The following CCDC25 variants were observed in gnomAD, a reference collection of about 807,000 sequenced individuals.
The protein encoded by CCDC25 is coiled-coil domain containing 25.
A neutral mutation model predicts 35.3 loss-of-function variants in CCDC25; 16 were observed. The ratio of observed to expected loss-of-function variants is 0.45; its 90% CI spans 0.31 to 0.69. CCDC25 has a LOEUF of 0.69. CCDC25 is among the 30% of genes least tolerant of loss of function. The pLI, the probability that CCDC25 is intolerant of heterozygous loss-of-function variation, is 0.06. For missense variants in CCDC25, 179 were observed against 250.7 expected, an observed-to-expected ratio of 0.71 and a Z score of 1.93; for synonymous variants, 79 against 80.3, an observed-to-expected ratio of 0.98 and a Z score of 0.09.
chr8:27,755,149 C>G (rs1380921062), intron 4 of CCDC25, among the ~76,000 whole-genome samples: 3 of 152,136 alleles, frequency 2.0e-5, no homozygotes, highest in Non-Finnish European at 2.9e-5. Flanking sequence ...TTCGAAACAC[C>G]ATTACCACTG....
Position 27,770,432 on chromosome 8 carries a change from T to C in CCDC25, c.28+2081A>G, listed in dbSNP as rs78895496. Among the ~76,000 whole-genome samples the C allele has an allele frequency of 5.6e-3, 787 of 140,242 alleles. 21 individuals are homozygous for C. The East Asian group carries it at 0.11, about 20-fold the overall frequency. The allele number at this position is 140,242 out of a possible 152,430, so 92.0% of individuals were successfully genotyped here. A position where few individuals can be genotyped will look rare whatever the true frequency, so the allele number is the denominator to read the frequency against. The stretch of plus-strand genomic sequence containing the variant: ...ACAAAGCAAGACTCCGTCTCAAAAA[T>C]AAATAAAATAAATCTCACCTTTAGA... On this transcript the variant is annotated intron_variant, in intron 1 of 8. Transcript: ENST00000356537.
At position 27,757,535 on chromosome 8, in the gene CCDC25, C is replaced by T. The variant is rs141730865; in HGVS notation, c.117-765G>A. Among the ~76,000 whole-genome samples the T allele has an allele frequency of 1.4e-3, 212 of 152,190 alleles. 3 individuals carry two copies. The East Asian group carries it at 0.028, about 20-fold the overall frequency. On this transcript the variant is annotated intron_variant, in intron 3 of 8. Coordinates refer to ENST00000356537, the MANE Select transcript of CCDC25 (RefSeq NM_018246.3). Reference sequence around the variant, plus strand: ...GAATGTCCCCCACCCCTTAAATTTACCTTTCATGATGGATCTATCATCTAT... The same window carrying T: ...GAATGTCCCCCACCCCTTAAATTTATCTTTCATGATGGATCTATCATCTAT...
intron 8 of CCDC25, 50 bp downstream of exon 8, chr8:27,740,422 C>T: frequency 6.4e-7 from 1 of 1,553,462 alleles, no homozygotes; most frequent in South Asian, 1.2e-5. Context: ...ATTAAAAACC[C>T]TTAGTGAATT....
rs141212043 is a variant in CCDC25, at chr8:27,737,884, TCACACACA to T, written c.598-1647_598-1640del. 1.5e-4 allele frequency among the ~76,000 whole-genome samples: 23 copies of T among 148,444 alleles called. No homozygotes were observed. The highest frequency in any genetic ancestry group is 3.7e-4 in the African/African-American group (15 of 40,188). On this transcript the variant is annotated intron_variant, in intron 8 of 8. Transcript: ENST00000356537. The surrounding 1 kb of genome is among the most constrained non-coding windows in gnomAD (Gnocchi z 4.6). ...AACTGTGGTGTGTGTATACACACAC[TCACACACA>T]CACACACACACACACACACACAAAG...
rs1435212220 is a variant in CCDC25, at chr8:27,733,719, A to G, written c.*2497T>C. ...TGGAAATTTGTTATTTACATGCTGTACCTCAAATCAAAGAAAAAGCACGCG... is the reference window on the plus strand; with the variant it reads ...TGGAAATTTGTTATTTACATGCTGTGCCTCAAATCAAAGAAAAAGCACGCG... On this transcript the variant is annotated 3_prime_UTR_variant, in exon 9 of 9. Coordinates refer to ENST00000356537, the MANE Select transcript of CCDC25 (RefSeq NM_018246.3). 1.3e-5 allele frequency: 2 copies of G among 152,222 alleles called. No individual in the cohort carries two copies. The highest frequency in any genetic ancestry group is 2.4e-5 in the African/African-American group (1 of 41,450). 9.4% of individuals were successfully genotyped at this position (152,222 alleles called of 1,614,324 possible).
chr8:27,759,779 C>CAAAAAAA (rs77051762), intron 3 of CCDC25, among the ~76,000 whole-genome samples: 1 of 91,276 alleles, frequency 1.1e-5, no homozygotes, highest in Admixed American at 1.3e-4. Flanking sequence ...GACTCTGTCT[C>CAAAAAAA]AAAAAAAAAA....
chr8:27,762,566 C>T (rs1305402088), intron 2 of CCDC25, 108 bp from the exon 3 acceptor site: 8 of 913,200 alleles, frequency 8.8e-6, no homozygotes, highest in Non-Finnish European at 1.4e-5. Context: ...TTTCTCTCTC[C>T]CTCAATGAAG....
At position 27,745,400 on chromosome 8, in the gene CCDC25, G is replaced by A. The variant is rs17057733; in HGVS notation, c.551+2677C>T. Among the ~76,000 whole-genome samples, 1,083 of 152,154 alleles carry A rather than the reference G, an allele frequency of 7.1e-3. 6 individuals carry two copies. Among genetic ancestry groups the A allele is most frequent in the African/African-American group, 0.025 (1,022 of 41,486 alleles). Reference sequence around the variant, plus strand: ...GTTATTCACCCATCCTCTTTATGACGTTTCCCTGACTATTGCTTATTTCTT... The same window carrying A: ...GTTATTCACCCATCCTCTTTATGACATTTCCCTGACTATTGCTTATTTCTT... On this transcript the variant is annotated intron_variant, in intron 7 of 8. Coordinates refer to ENST00000356537, the MANE Select transcript of CCDC25 (RefSeq NM_018246.3).
chr8:27,756,502 G>T, intron 4 of CCDC25: 1 of 518,770 alleles, frequency 1.9e-6, no homozygotes. Flanking sequence ...AGTGCATCTA[G>T]CTGGGAAATA....
intron 1 of CCDC25, among the ~76,000 whole-genome samples, chr8:27,770,229 C>T (rs1216591492): frequency 6.6e-6 from 1 of 152,046 alleles, no homozygotes; most frequent in Non-Finnish European, 1.5e-5. Context: ...ATCACTTGAG[C>T]TCAGGAGTTC....
At chr8:27,747,239 G>A (rs188235501) in intron 7 of CCDC25, among the ~76,000 whole-genome samples, 9 of 152,266 alleles carry the variant, frequency 5.9e-5, no homozygotes, top group Admixed American at 5.9e-4. Context: ...AGAGATTATT[G>A]TGAATTATCT....
chr8:27,746,643 T>A (rs1803613014), intron 7 of CCDC25, among the ~76,000 whole-genome samples: 1 of 152,168 alleles, frequency 6.6e-6, no homozygotes, highest in Non-Finnish European at 1.5e-5. Context: ...ACTGATGGAG[T>A]TAATACCGTT....
chr8:27,748,658 T>C lies in CCDC25; in HGVS notation c.245-60A>G, dbSNP rs111836868. 4.5e-5 allele frequency: 56 copies of C among 1,245,782 alleles called. No individual in the cohort carries two copies. In the African/African-American group the frequency reaches 7.2e-4, roughly 16 times the overall value. The allele number at this position is 1,245,782 out of a possible 1,614,324, so 77.2% of individuals were successfully genotyped here. ...GATGAGACTGAGCAATGTGTTCCCT[T>C]ACCCACTGGCAAACTGCCATAAGCC... On this transcript the variant is annotated intron_variant, in intron 5 of 8. Transcript: ENST00000356537.
chr8:27,748,750 G>C, intron 5 of CCDC25, 152 bp from the exon 6 acceptor site: 1 of 604,084 alleles, frequency 1.7e-6, no homozygotes. Context: ...TTTTTCAAAA[G>C]CCACCCACAA....
rs1476024146 is a variant in CCDC25, at chr8:27,734,477, A to C, written c.*1739T>G. 1 of 152,194 alleles carries C rather than the reference A, an allele frequency of 6.6e-6. No homozygotes were observed. The highest frequency in any genetic ancestry group is 2.4e-5 in the African/African-American group (1 of 41,436). The allele number at this position is 152,194 out of a possible 1,614,324, so 9.4% of individuals were successfully genotyped here. On this transcript the variant is annotated 3_prime_UTR_variant, in exon 9 of 9. Coordinates refer to ENST00000356537, the MANE Select transcript of CCDC25 (RefSeq NM_018246.3). ...AATGCCAACAGTTTGACCTGTGGGCAATCAACCTATAAGTCCTCAAAAGAA... is the reference window on the plus strand; with the variant it reads ...AATGCCAACAGTTTGACCTGTGGGCCATCAACCTATAAGTCCTCAAAAGAA...
At chr8:27,760,642 T>C (rs905158047) in intron 3 of CCDC25, among the ~76,000 whole-genome samples, 1 of 152,166 alleles carries the variant, frequency 6.6e-6, no homozygotes, top group African/African-American at 2.4e-5. Flanking sequence ...TAGGTGATCA[T>C]TGTCCTCATA....
chr8:27,760,954 C>T (rs1196048893), intron 3 of CCDC25, among the ~76,000 whole-genome samples: 1 of 152,030 alleles, frequency 6.6e-6, no homozygotes, highest in Admixed American at 6.6e-5. Context: ...GGTGATAGCC[C>T]CAGTCTCTAC....
intron 7 of CCDC25, among the ~76,000 whole-genome samples, chr8:27,745,726 G>A (rs1338727005): frequency 1.3e-5 from 2 of 152,194 alleles, no homozygotes; most frequent in East Asian, 1.9e-4. Context: ...ATGTCACCGC[G>A]TTCCATTCCC....
chr8:27,747,945 AG>A, intron 7 of CCDC25, 131 bp downstream of exon 7: 1 of 846,034 alleles, frequency 1.2e-6, no homozygotes, highest in South Asian at 1.7e-5. Context: ...AACTGATTTA[AG>A]GTTGAGCTTA....
Sources: allele counts gnomAD v4.1 joint callset (sites outside exome capture counted in the v4.1 genomes callset), GRCh38; gene constraint gnomAD v4.1.1; non-coding constraint Gnocchi (gnomAD v3.1); transcripts MANE v1.5; gene names NCBI Gene and HGNC (gene_info 2026-07-23, HGNC 2026-07-21).